LHFPL3: variants seen among roughly 807,000 people sequenced by gnomAD.
The protein encoded by LHFPL3 is LHFPL tetraspan subfamily member 3 protein.
A neutral mutation model predicts 19.3 loss-of-function variants in LHFPL3; 5 were observed. That is an observed-to-expected ratio of 0.26 (90% CI 0.14 to 0.54). The LOEUF (loss-of-function observed/expected upper bound fraction) is 0.54, where lower values mean the gene tolerates loss of function less well. Among genes scored for constraint, LHFPL3 ranks in the 20% least tolerant of loss-of-function variants. The pLI, the probability that LHFPL3 is intolerant of heterozygous loss-of-function variation, is 0.94. For synonymous variants in LHFPL3, 133 were observed against 126.2 expected, an observed-to-expected ratio of 1.05 and a Z score of -0.36; for missense variants, 249 against 307.4, an observed-to-expected ratio of 0.81 and a Z score of 1.42.
At chr7:104,582,229 T>C (rs756086554) in intron 1 of LHFPL3, among the ~76,000 whole-genome samples, 2 of 151,992 alleles carry the variant, frequency 1.3e-5, no homozygotes, top group Non-Finnish European at 1.5e-5. Context: ...TTTGACACTA[T>C]TATTAATAAA....
chr7:104,504,542 A>G (rs534259979), intron 1 of LHFPL3, among the ~76,000 whole-genome samples: 25 of 152,326 alleles, frequency 1.6e-4, no homozygotes, highest in Non-Finnish European at 2.9e-4. Flanking sequence ...AGCAATAGCA[A>G]TCCTCCTGAT....
chr7:104,673,346 C>G (rs1363920746), intron 1 of LHFPL3, among the ~76,000 whole-genome samples: 1 of 152,146 alleles, frequency 6.6e-6, no homozygotes, highest in Non-Finnish European at 1.5e-5. Context: ...CTAAATAGTT[C>G]GCTTTTATCT....
At chr7:104,797,458 G>T (rs1236368116) in intron 2 of LHFPL3, among the ~76,000 whole-genome samples, 1 of 152,194 alleles carries the variant, frequency 6.6e-6, no homozygotes, top group Non-Finnish European at 1.5e-5. Context: ...ATGCAGAGCA[G>T]CTCAGGTGGT....
At chr7:104,432,600 T>C (rs577676829) in intron 1 of LHFPL3, among the ~76,000 whole-genome samples, 2 of 152,266 alleles carry the variant, frequency 1.3e-5, no homozygotes, top group Non-Finnish European at 2.9e-5. Flanking sequence ...CTCCATACTC[T>C]GTTGCACTGT....
intron 1 of LHFPL3, among the ~76,000 whole-genome samples, chr7:104,567,874 G>C (rs889163321): frequency 2.0e-5 from 3 of 152,116 alleles, no homozygotes; most frequent in African/African-American, 7.2e-5. Flanking sequence ...TCCCACCTCT[G>C]CTATAACTGA....
chr7:104,822,716 A>C (rs907145452), intron 2 of LHFPL3, among the ~76,000 whole-genome samples: 2 of 152,210 alleles, frequency 1.3e-5, no homozygotes, highest in African/African-American at 4.8e-5. Context: ...AAGCCGCATC[A>C]TCTTGGAAGA....
At chr7:104,410,419 C>T (rs1283073524) in intron 1 of LHFPL3, among the ~76,000 whole-genome samples, 1 of 152,210 alleles carries the variant, frequency 6.6e-6, no homozygotes, top group Non-Finnish European at 1.5e-5. Flanking sequence ...AGGCATGAGC[C>T]GCTGCACCCG....
At chr7:104,674,833 A>T (rs1279500131) in intron 1 of LHFPL3, among the ~76,000 whole-genome samples, 2 of 152,260 alleles carry the variant, frequency 1.3e-5, no homozygotes, top group Non-Finnish European at 2.9e-5. Context: ...AAGAGTAAAC[A>T]TATCCAAAAT....
intron 1 of LHFPL3, among the ~76,000 whole-genome samples, chr7:104,690,965 G>C (rs1011882043): frequency 6.6e-6 from 1 of 152,232 alleles, no homozygotes; most frequent in African/African-American, 2.4e-5. Context: ...AAAGCCTTTG[G>C]AAGGCCCCCA....
chr7:104,730,330 A>G (rs1160316664), intron 1 of LHFPL3, among the ~76,000 whole-genome samples: 1 of 152,234 alleles, frequency 6.6e-6, no homozygotes, highest in Non-Finnish European at 1.5e-5. Context: ...ACTGTCTTCC[A>G]CAATGGATGA....
In LHFPL3 at chr7:104,667,831, G is replaced by T. The variant is rs548759107; in HGVS notation, c.446-68844G>T. On this transcript the variant is annotated intron_variant, in intron 1 of 2. Transcript: ENST00000424859. ...TTTCTGGCTGAGGATGGGGGTACTG[G>T]TGGAGGAAGCACCTATGTTTCCAAA... 1.5e-5 allele frequency: 24 copies of T among 1,610,800 alleles called. No individual in the cohort carries two copies. The African/African-American group carries it at 3.1e-4, about 21-fold the overall frequency.
intron 2 of LHFPL3, among the ~76,000 whole-genome samples, chr7:104,858,169 G>C (rs918288343): frequency 2.0e-5 from 3 of 152,184 alleles, no homozygotes; most frequent in Admixed American, 6.5e-5. Context: ...GGGAGCCACA[G>C]GCTGTGGCTC....
intron 1 of LHFPL3, among the ~76,000 whole-genome samples, chr7:104,365,872 T>C (rs1562876046): frequency 6.6e-6 from 1 of 151,108 alleles, no homozygotes; most frequent in African/African-American, 2.4e-5. Context: ...ATGGATATAC[T>C]GAAGGGTAGA....
rs376559969 is a variant in LHFPL3, at chr7:104,358,565, G to A, written c.445+29341G>A. Among the ~76,000 whole-genome samples the A allele has an allele frequency of 9.8e-5, 15 of 152,304 alleles. No homozygotes were observed. In the South Asian group the frequency reaches 3.1e-3, roughly 32 times the overall value. ...TACATGTACAGCTTATAACGTGAGA[G>A]CATAGGCAGGCTTTACTTAGACAAC... On this transcript the variant is annotated intron_variant, in intron 1 of 2. Transcript: ENST00000424859.
intron 1 of LHFPL3, among the ~76,000 whole-genome samples, chr7:104,583,572 G>T (rs1023944998): frequency 1.3e-4 from 20 of 152,092 alleles, no homozygotes; most frequent in African/African-American, 4.3e-4. Flanking sequence ...CTGACAAAGG[G>T]CTAATATCCA....
At chr7:104,578,648 G>T (rs893383785) in intron 1 of LHFPL3, among the ~76,000 whole-genome samples, 4 of 152,090 alleles carry the variant, frequency 2.6e-5, no homozygotes, top group Admixed American at 2.6e-4. Flanking sequence ...AGCACTGATG[G>T]AGCCTGCCCA....
At chr7:104,752,076 T>G (rs1200685065) in intron 2 of LHFPL3, among the ~76,000 whole-genome samples, 1 of 152,128 alleles carries the variant, frequency 6.6e-6, no homozygotes, top group Non-Finnish European at 1.5e-5. Context: ...TGGGTCTTAT[T>G]TTCTTTAACC....
chr7:104,650,148 A>G lies in LHFPL3; in HGVS notation c.446-86527A>G, dbSNP rs1386878280. Among the ~76,000 whole-genome samples the G allele has an allele frequency of 6.6e-5, 10 of 152,340 alleles. No individual in the cohort carries two copies. In the East Asian group the frequency reaches 1.9e-3, roughly 29 times the overall value. On this transcript the variant is annotated intron_variant, in intron 1 of 2. Transcript: ENST00000424859. ...GCACAAGTCTGCAGTTGCTTGAATA[A>G]GCAGAAAGGGAGCCTAAGATGCCAA...
intron 1 of LHFPL3, among the ~76,000 whole-genome samples, chr7:104,415,237 G>A (rs1210398404): frequency 6.6e-6 from 1 of 152,186 alleles, no homozygotes; most frequent in Non-Finnish European, 1.5e-5. Flanking sequence ...AACATACTCT[G>A]TAATGCCAAC....
Sources: gnomAD v4.1 joint callset for allele counts (sites outside exome capture counted in the v4.1 genomes callset) on GRCh38, gnomAD v4.1.1 for gene constraint, MANE v1.5 for transcripts, NCBI Gene and HGNC (gene_info 2026-07-23, HGNC 2026-07-21) for gene names.